Variants in ALDH1A2 observed in about 807,000 individuals in gnomAD.
ALDH1A2 encodes the protein aldehyde dehydrogenase 1 family member A2.
A neutral mutation model predicts 60.3 loss-of-function variants in ALDH1A2; 27 were observed. The observed-to-expected ratio is 0.45, with a 90% CI of 0.33 to 0.62. ALDH1A2 has a LOEUF of 0.62. ALDH1A2 is among the 20% of genes least tolerant of loss of function. The probability of loss-of-function intolerance (pLI) is 0.02; values close to 1 mark genes in which losing one functional copy is unlikely to be tolerated. For synonymous variants in ALDH1A2, 289 were observed against 232.4 expected (o/e 1.24, Z -2.21); for missense variants, 581 against 643.8 (o/e 0.90, Z 1.06).
In ALDH1A2 at chr15:57,996,503, C is replaced by CT. The variant is rs76510714; in HGVS notation, c.494-1365dup. On this transcript the variant is annotated intron_variant, in intron 4 of 12. Coordinates refer to ENST00000249750, the MANE Select transcript of ALDH1A2 (RefSeq NM_003888.4). Reference sequence around the variant, plus strand: ...AGTCTTTTATATTTTGTTTTTCCCTCTTTTTTTTTTTTTTCCTGTAAAGCT... The same window carrying CT: ...AGTCTTTTATATTTTGTTTTTCCCTCTTTTTTTTTTTTTTTCCTGTAAAGCT... Among the ~76,000 whole-genome samples the CT allele has an allele frequency of 7.6e-3, 1,062 of 139,592 alleles. 8 individuals are homozygous for CT. The highest frequency in any genetic ancestry group is 0.022 in the African/African-American group (837 of 38,248). 91.6% of individuals were successfully genotyped at this position (139,592 alleles called of 152,430 possible).
At chr15:58,027,588 TAAC>T (rs1482856657) in intron 1 of ALDH1A2, among the ~76,000 whole-genome samples, 1 of 152,008 alleles carries the variant, frequency 6.6e-6, no homozygotes, top group African/African-American at 2.4e-5. Context: ...AGGTCGGTAA[TAAC>T]AAACTTCTCT....
chr15:58,041,100 C>G (rs1896509316), intron 1 of ALDH1A2, among the ~76,000 whole-genome samples: 1 of 151,834 alleles, frequency 6.6e-6, no homozygotes. Flanking sequence ...ATAAATTAAT[C>G]AAATGTGTTT....
At chr15:57,955,325 A>G (rs1893483163) in intron 12 of ALDH1A2, 56 bp from the exon 13 acceptor site, 1 of 1,568,724 alleles carries the variant, frequency 6.4e-7, no homozygotes, top group Non-Finnish European at 8.8e-7. Flanking sequence ...GCTGCATGTG[A>G]GTGCAGCGGG....
At chr15:57,967,170 A>ATTTTTT (rs34306826) in intron 7 of ALDH1A2, among the ~76,000 whole-genome samples, 1 of 141,700 alleles carries the variant, frequency 7.1e-6, no homozygotes, top group Non-Finnish European at 1.5e-5. Flanking sequence ...GACTGCCTGG[A>ATTTTTT]TTTTTTTTTT....
intron 1 of ALDH1A2, among the ~76,000 whole-genome samples, chr15:58,027,372 A>G (rs1896109074): frequency 6.6e-6 from 1 of 152,182 alleles, no homozygotes; most frequent in African/African-American, 2.4e-5. Context: ...CATCCACACC[A>G]AAACCCCATT....
At chr15:58,020,857 A>G (rs1895908520) in intron 1 of ALDH1A2, among the ~76,000 whole-genome samples, 1 of 152,176 alleles carries the variant, frequency 6.6e-6, no homozygotes, top group Non-Finnish European at 1.5e-5. Context: ...GAAATTTCCC[A>G]TGGTGGTGGA....
In ALDH1A2 at chr15:58,002,950, T is replaced by C. The variant is rs16939646; in HGVS notation, c.493+7699A>G. 2.4e-3 allele frequency among the ~76,000 whole-genome samples: 370 copies of C among 152,030 alleles called. 10 individuals carry two copies. The East Asian group carries it at 0.061, about 25-fold the overall frequency. ...TAACTATGATGATAAACTCTATAAA[T>C]GCCTATACAAACGCTGAAACTGTAT... On this transcript the variant is annotated intron_variant, in intron 4 of 12. Transcript: ENST00000249750.
chr15:58,065,027 C>T (rs1250008645), intron 1 of ALDH1A2, among the ~76,000 whole-genome samples: 3 of 152,236 alleles, frequency 2.0e-5, no homozygotes, highest in East Asian at 1.9e-4. Flanking sequence ...TCAAACCGGC[C>T]AGAGCGCTGG....
At chr15:57,976,262 G>A (rs1403305284) in intron 7 of ALDH1A2, among the ~76,000 whole-genome samples, 1 of 152,144 alleles carries the variant, frequency 6.6e-6, no homozygotes, top group Non-Finnish European at 1.5e-5. Context: ...TTCCTTAATA[G>A]GTACCAGGCA....
chr15:58,012,538 CCCAGTGT>C (rs1392548010), intron 3 of ALDH1A2, among the ~76,000 whole-genome samples: 9 of 152,096 alleles, frequency 5.9e-5, no homozygotes, highest in African/African-American at 2.2e-4. Flanking sequence ...CTTTAATATG[CCCAGTGT>C]CTTGTGAATC....
rs1008245978 is a variant in ALDH1A2 at position 58,014,066 on chromosome 15, T to A, written c.223-68A>T. The A allele has an allele frequency of 4.3e-6, 7 of 1,613,812 alleles. No homozygotes were observed. The African/African-American group carries it at 9.3e-5, about 22-fold the overall frequency. On this transcript the variant is annotated intron_variant, in intron 2 of 12. Transcript: ENST00000249750. ...ATAAAGGAAGAACCATCCACTGTCA[T>A]GAAAAAAGTGAAGCATGAGCATGTA... is the stretch of plus-strand genomic sequence containing the variant.
Position 57,955,271 on chromosome 15 carries a change from T to A in ALDH1A2, c.1485-2A>T. On this transcript the variant is annotated splice_acceptor_variant, in intron 12 of 12. Transcript: ENST00000249750. LOFTEE classifies it high-confidence loss of function. Reference sequence around the variant, plus strand: ...TACTCCCGCAAGCCAAATTCTCCCCTGAAACACAGAAATGGGCCGGGTCAG... The same window carrying A: ...TACTCCCGCAAGCCAAATTCTCCCCAGAAACACAGAAATGGGCCGGGTCAG... The A allele has an allele frequency of 6.2e-7, 1 of 1,613,932 alleles. No homozygotes were observed. Among genetic ancestry groups the A allele is most frequent in the Non-Finnish European group, 8.5e-7 (1 of 1,179,960 alleles).
intron 7 of ALDH1A2, among the ~76,000 whole-genome samples, chr15:57,989,242 T>C (rs1894813244): frequency 6.6e-6 from 1 of 152,250 alleles, no homozygotes; most frequent in African/African-American, 2.4e-5. Flanking sequence ...ACCTATATGA[T>C]GACATCAGTG....
At chr15:57,986,835 G>T (rs765555568) in intron 7 of ALDH1A2, among the ~76,000 whole-genome samples, 2 of 151,986 alleles carry the variant, frequency 1.3e-5, no homozygotes, top group Non-Finnish European at 2.9e-5. Context: ...ACCACGCCTG[G>T]CTAGAGATAG....
At chr15:58,017,155 G>A (rs74018812) in intron 1 of ALDH1A2, among the ~76,000 whole-genome samples, 2,357 of 152,164 alleles carry the variant, frequency 0.015, 30 homozygotes, top group African/African-American at 0.038. Context: ...AGACAAAAAG[G>A]AAACATGATA....
chr15:58,028,608 A>C (rs1896142645), intron 1 of ALDH1A2, among the ~76,000 whole-genome samples: 1 of 152,216 alleles, frequency 6.6e-6, no homozygotes, highest in Admixed American at 6.5e-5. Flanking sequence ...CAGACTGCTA[A>C]ATTGGATAGA....
intron 1 of ALDH1A2, chr15:58,038,589 T>C (rs186889394): frequency 2.6e-5 from 4 of 151,884 alleles, no homozygotes; most frequent in African/African-American, 9.6e-5. Flanking sequence ...AACTAACTGG[T>C]CTGATCAGCC....
Position 57,955,110 on chromosome 15 carries a change from A to G in ALDH1A2, c.*87T>C. ...ATCTTTAAGTAAGGACCGTGGCTCAACTTTGTATTCCTGAGAGCTGGGCCC... is the reference window on the plus strand; with the variant it reads ...ATCTTTAAGTAAGGACCGTGGCTCAGCTTTGTATTCCTGAGAGCTGGGCCC... On this transcript the variant is annotated 3_prime_UTR_variant, in exon 13 of 13. Coordinates refer to ENST00000249750, the MANE Select transcript of ALDH1A2 (RefSeq NM_003888.4). 1 of 1,391,974 alleles carries G rather than the reference A, an allele frequency of 7.2e-7. No homozygotes were observed. The allele number at this position is 1,391,974 out of a possible 1,614,324, so 86.2% of individuals were successfully genotyped here.
intron 7 of ALDH1A2, among the ~76,000 whole-genome samples, chr15:57,972,562 G>GAGAA (rs1312841912): frequency 2.6e-5 from 4 of 151,460 alleles, no homozygotes; most frequent in East Asian, 3.9e-4. Context: ...GAGTTTTGGG[G>GAGAA]AGAAAGCTAA....
Sources: gnomAD v4.1 joint callset for allele counts (sites outside exome capture counted in the v4.1 genomes callset) on GRCh38, gnomAD v4.1.1 for gene constraint, MANE v1.5 for transcripts, NCBI Gene and HGNC (gene_info 2026-07-23, HGNC 2026-07-21) for gene names.